The following CORO2B variants were observed in gnomAD, a reference collection of about 807,000 sequenced individuals.
CORO2B encodes the protein coronin 2B.
CORO2B carries 26 observed loss-of-function variants against 58.8 expected under a neutral mutation model. The ratio of observed to expected loss-of-function variants is 0.44; its 90% CI spans 0.32 to 0.61. CORO2B has a LOEUF of 0.61. Ranked by LOEUF, CORO2B falls within the 20% of genes least tolerant of loss-of-function variation. CORO2B has a pLI of 0.04. For missense variants in CORO2B, 460 were observed against 645.1 expected, an observed-to-expected ratio of 0.71 and a Z score of 3.11; for synonymous variants, 242 against 253.8, an observed-to-expected ratio of 0.95 and a Z score of 0.44.
chr15:68,579,995 G>A (rs914432002), intron 1 of CORO2B, among the ~76,000 whole-genome samples: 8 of 152,228 alleles, frequency 5.3e-5, no homozygotes, highest in African/African-American at 1.9e-4. Context: ...AGAGTTAAGA[G>A]GAAAGATGAT....
intron 11 of CORO2B, among the ~76,000 whole-genome samples, chr15:68,721,149 TG>T (rs1208435737): frequency 6.6e-6 from 1 of 150,576 alleles, no homozygotes; most frequent in African/African-American, 2.4e-5. Flanking sequence ...CCCAAAGTGC[TG>T]GGATTACAGA....
chr15:68,645,471 T>C lies in CORO2B; in HGVS notation c.216+111T>C. The C allele has an allele frequency of 3.0e-6, 3 of 999,768 alleles. No individual in the cohort carries two copies. Among genetic ancestry groups the C allele is most frequent in the Non-Finnish European group, 4.4e-6 (3 of 688,742 alleles). 61.9% of individuals were successfully genotyped at this position (999,768 alleles called of 1,614,324 possible). A position where few individuals can be genotyped will look rare whatever the true frequency, so the allele number is the denominator to read the frequency against. On this transcript the variant is annotated intron_variant, in intron 2 of 11. Coordinates refer to ENST00000261861, the MANE Select transcript of CORO2B (RefSeq NM_006091.5). The surrounding 1 kb of genome is among the most constrained non-coding windows in gnomAD (Gnocchi z 4.5). ...TTCTCTCTGAGTTCCCACCTTTTACTTCCTCATCAAGCATCTAGTGGCTAT... is the reference window on the plus strand; with the variant it reads ...TTCTCTCTGAGTTCCCACCTTTTACCTCCTCATCAAGCATCTAGTGGCTAT...
intron 2 of CORO2B, among the ~76,000 whole-genome samples, chr15:68,690,857 G>A (rs1892341540): frequency 1.3e-5 from 2 of 151,486 alleles, no homozygotes; most frequent in South Asian, 4.2e-4. Context: ...ATTTTGCCAT[G>A]TTTCCCAGGC....
the CORO2B span, among the ~76,000 whole-genome samples, chr15:68,529,817 T>A: frequency 1.3e-5 from 2 of 152,228 alleles, no homozygotes; most frequent in Non-Finnish European, 2.9e-5. Context: ...CACCACCATA[T>A]CTATATGTCA....
intron 3 of CORO2B, among the ~76,000 whole-genome samples, chr15:68,701,107 A>T (rs1471337514): frequency 6.6e-6 from 1 of 151,850 alleles, no homozygotes; most frequent in Non-Finnish European, 1.5e-5. Flanking sequence ...GCTGGAAGGG[A>T]GTGATGCACT....
At chr15:68,551,096 C>A in the CORO2B span, among the ~76,000 whole-genome samples, 2 of 152,142 alleles carry the variant, frequency 1.3e-5, no homozygotes, top group South Asian at 4.1e-4. Flanking sequence ...CCAGGCTGAC[C>A]GCCCCTGGGT....
chr15:68,595,814 G>A (rs376035699), intron 1 of CORO2B, among the ~76,000 whole-genome samples: 1 of 152,204 alleles, frequency 6.6e-6, no homozygotes, highest in African/African-American at 2.4e-5. Context: ...AACAAATACG[G>A]ATGAAGCCAT....
intron 1 of CORO2B, among the ~76,000 whole-genome samples, chr15:68,597,653 A>T (rs114334071): frequency 0.061 from 9,319 of 152,036 alleles, 342 homozygotes; most frequent in African/African-American, 0.097. Context: ...AATAAATAAA[A>T]AATAAAAAAG....
chr15:68,641,869 G>A (rs946993495), intron 1 of CORO2B, among the ~76,000 whole-genome samples: 6 of 152,040 alleles, frequency 3.9e-5, no homozygotes, highest in Non-Finnish European at 7.4e-5. Context: ...GACTATAGGT[G>A]TGTACCACTA....
At chr15:68,725,724 G>A (rs1015797632) in intron 11 of CORO2B, 119 bp from the exon 12 acceptor site, 17 of 1,276,974 alleles carry the variant, frequency 1.3e-5, no homozygotes, top group Non-Finnish European at 1.8e-5. Context: ...TCAAGCAGTG[G>A]GAGGCCTGGG....
chr15:68,619,595 T>C (rs959988981), intron 1 of CORO2B, among the ~76,000 whole-genome samples: 2 of 152,138 alleles, frequency 1.3e-5, no homozygotes, highest in South Asian at 4.2e-4. Context: ...AGACTACCAG[T>C]AGTACACAAG....
At chr15:68,624,384 A>G (rs1595974482) in intron 1 of CORO2B, among the ~76,000 whole-genome samples, 1 of 152,242 alleles carries the variant, frequency 6.6e-6, no homozygotes, top group South Asian at 2.1e-4. Flanking sequence ...TCTAAAACCA[A>G]TGACAACAAC....
At chr15:68,577,427 G>A (rs1206646507), upstream of CORO2B, among the ~76,000 whole-genome samples, 1 of 152,096 alleles carries the variant, frequency 6.6e-6, no homozygotes, top group Non-Finnish European at 1.5e-5. Flanking sequence ...AAGAAAATGT[G>A]GTTAAAAATG....
At chr15:68,686,020 GTT>G (rs56168498) in intron 2 of CORO2B, among the ~76,000 whole-genome samples, 73,437 of 103,208 alleles carry the variant, frequency 0.71, 26,482 homozygotes, top group South Asian at 0.84. Context: ...TCCTACTTCT[GTT>G]TTTTTTTTTT....
chr15:68,541,766 GCT>G, the CORO2B span, among the ~76,000 whole-genome samples: 2 of 152,310 alleles, frequency 1.3e-5, no homozygotes, highest in South Asian at 2.1e-4. Context: ...TCTTTCGCTG[GCT>G]CATGGGGCTT....
At chr15:68,723,384 A>C (rs1353667072) in intron 11 of CORO2B, among the ~76,000 whole-genome samples, 1 of 150,632 alleles carries the variant, frequency 6.6e-6, no homozygotes, top group African/African-American at 2.4e-5. Context: ...AGCCTCCCAA[A>C]GTGTTGGGCT....
intron 2 of CORO2B, among the ~76,000 whole-genome samples, chr15:68,652,748 G>A (rs974259399): frequency 4.6e-5 from 7 of 152,134 alleles, no homozygotes; most frequent in East Asian, 1.9e-4. Context: ...CATTCTCCTC[G>A]TTTTACAGAT....
At chr15:68,555,002 G>C in the CORO2B span, among the ~76,000 whole-genome samples, 1 of 152,204 alleles carries the variant, frequency 6.6e-6, no homozygotes, top group Non-Finnish European at 1.5e-5. Context: ...GCTCTCCCAG[G>C]CCCACCCTAC....
chr15:68,563,424 C>A, the CORO2B span, among the ~76,000 whole-genome samples: 1 of 150,896 alleles, frequency 6.6e-6, no homozygotes. Flanking sequence ...GAGGTTGAGG[C>A]TGTGGTGAGC....
Sources: allele counts gnomAD v4.1 joint callset (sites outside exome capture counted in the v4.1 genomes callset), GRCh38; gene constraint gnomAD v4.1.1; non-coding constraint Gnocchi (gnomAD v3.1); transcripts MANE v1.5; gene names NCBI Gene and HGNC (gene_info 2026-07-23, HGNC 2026-07-21).